The following KIAA1671 variants were observed in gnomAD, a reference collection of about 807,000 sequenced individuals.
KIAA1671 encodes the protein KIAA1671.
Under a neutral mutation model 131.2 loss-of-function variants are expected in KIAA1671, and 52 were observed. The observed-to-expected ratio is 0.40, with a 90% CI of 0.32 to 0.50. The LOEUF (loss-of-function observed/expected upper bound fraction) is 0.50. KIAA1671 is among the 20% of genes least tolerant of loss of function. KIAA1671 has a pLI of 0.73. For missense variants in KIAA1671, 2,360 were observed against 2,364.2 expected, an observed-to-expected ratio of 1.00 and a Z score of 0.04; for synonymous variants, 1,003 against 961.6, an observed-to-expected ratio of 1.04 and a Z score of -0.80.
intron 6 of KIAA1671, among the ~76,000 whole-genome samples, chr22:25,165,045 G>A (rs1239380999): frequency 5.4e-5 from 8 of 148,958 alleles, no homozygotes; most frequent in African/African-American, 7.4e-5. Flanking sequence ...TTGAGGCCTC[G>A]TAGCTCTGGG....
chr22:24,983,989 G>T (rs1923372959), intron 1 of KIAA1671, among the ~76,000 whole-genome samples: 1 of 151,976 alleles, frequency 6.6e-6, no homozygotes, highest in African/African-American at 2.4e-5. Context: ...TGTTGGTCAG[G>T]CTGGTCTCGA....
chr22:25,095,334 T>A (rs535609943), intron 6 of KIAA1671, among the ~76,000 whole-genome samples: 1 of 152,272 alleles, frequency 6.6e-6, no homozygotes, highest in East Asian at 1.9e-4. Flanking sequence ...ACAATAAAAA[T>A]TACAAATGCT....
At chr22:25,128,610 G>A (rs1932292021) in intron 6 of KIAA1671, among the ~76,000 whole-genome samples, 1 of 152,162 alleles carries the variant, frequency 6.6e-6, no homozygotes, top group African/African-American at 2.4e-5. Flanking sequence ...AACCGAGAAA[G>A]TCTGGTTTTG....
At chr22:25,174,663 C>A in intron 8 of KIAA1671, 174 bp downstream of exon 8, 1 of 671,778 alleles carries the variant, frequency 1.5e-6, no homozygotes, top group Non-Finnish European at 2.3e-6. Context: ...CATACACCTG[C>A]TGTGTGTCTT....
In KIAA1671 at chr22:25,029,031, C is replaced by A; in HGVS notation, c.1032C>A (p.Phe344Leu). The change falls in exon 3 of 13, where the codon TTC becomes TTA. Residue 344 changes from phenylalanine (F) to leucine (L), a missense_variant. Physicochemically the swap from Phe to Leu is conservative, Grantham distance 22. Around this residue, in one of 3 missense-constraint regions of KIAA1671, gnomAD observed 1,185 missense variants for 1,126.2 expected, o/e 1.05. Transcript: ENST00000358431. ...CTCTTCATGATCCTGATTTGGACTT[C>A]CTGGAGGTGGCCAAGAAAATCCGTG... Reference protein sequence around the residue: ...EAPLHDPDLDFLEVAKKIRER... With the variant: ...EAPLHDPDLDLLEVAKKIRER... 6.6e-7 allele frequency: 1 copy of A among 1,505,862 alleles called. No homozygotes were observed. Among genetic ancestry groups the A allele is most frequent in the Non-Finnish European group, 8.9e-7 (1 of 1,126,676 alleles). 93.3% of individuals were successfully genotyped at this position (1,505,862 alleles called of 1,614,324 possible). A position where few individuals can be genotyped will look rare whatever the true frequency, so the allele number is the denominator to read the frequency against.
intron 5 of KIAA1671, among the ~76,000 whole-genome samples, chr22:25,043,682 G>A (rs1163637004): frequency 2.6e-5 from 4 of 152,154 alleles, no homozygotes; most frequent in Admixed American, 2.6e-4. Context: ...GGAGTCGGTG[G>A]TCTCAGCCCA....
intron 6 of KIAA1671, chr22:25,052,653 T>C (rs1003632760): frequency 3.3e-5 from 5 of 152,128 alleles, no homozygotes; most frequent in Non-Finnish European, 7.4e-5. Flanking sequence ...AATGAGATGA[T>C]GCTTACAAAG....
chr22:24,981,088 G>GTGTGTT (rs1555949693), intron 1 of KIAA1671, among the ~76,000 whole-genome samples: 2 of 148,984 alleles, frequency 1.3e-5, no homozygotes, highest in East Asian at 2.1e-4. Flanking sequence ...GTGTGTGTGT[G>GTGTGTT]TTTTTACTGT....
chr22:25,093,746 C>T (rs996127601), intron 6 of KIAA1671, among the ~76,000 whole-genome samples: 8 of 121,428 alleles, frequency 6.6e-5, no homozygotes, highest in Admixed American at 8.0e-5. Flanking sequence ...CACTCTCTCT[C>T]TCTCTCTCTC....
At chr22:25,066,937 G>A (rs1161700324) in intron 6 of KIAA1671, among the ~76,000 whole-genome samples, 1 of 152,164 alleles carries the variant, frequency 6.6e-6, no homozygotes, top group African/African-American at 2.4e-5. Flanking sequence ...CTTGCAGGTG[G>A]CCCCCTGCCA....
intron 1 of KIAA1671, among the ~76,000 whole-genome samples, chr22:24,954,138 A>G (rs1569190498): frequency 6.6e-6 from 1 of 152,132 alleles, no homozygotes; most frequent in Non-Finnish European, 1.5e-5. Context: ...AAACCGCAGG[A>G]TTAGAGAGCT....
intron 6 of KIAA1671, among the ~76,000 whole-genome samples, chr22:25,121,864 A>C (rs1931961680): frequency 6.6e-6 from 1 of 152,204 alleles, no homozygotes; most frequent in African/African-American, 2.4e-5. Flanking sequence ...TAGATCGTTT[A>C]ATCTTCAGTA....
At chr22:25,036,273 T>G (rs1926588387) in intron 4 of KIAA1671, among the ~76,000 whole-genome samples, 1 of 151,794 alleles carries the variant, frequency 6.6e-6, no homozygotes, top group Non-Finnish European at 1.5e-5. Context: ...AGAGACAGGG[T>G]TTCTCCATGT....
Position 25,040,803 on chromosome 22 carries a change from C to T in KIAA1671, c.3673C>T (p.Pro1225Ser). 3 of 1,551,668 alleles carry T rather than the reference C, an allele frequency of 1.9e-6. No individual in the cohort carries two copies. The highest frequency in any genetic ancestry group is 2.6e-6 in the Non-Finnish European group (3 of 1,147,006). The change falls in exon 5 of 13, where the codon CCC becomes TCC. Residue 1225 changes from proline to serine, a missense_variant. Physicochemically the swap from Pro to Ser is moderately conservative, Grantham distance 74 (BLOSUM62 -1). Coordinates refer to ENST00000358431, the MANE Select transcript of KIAA1671 (RefSeq NM_001145206.2). The part of the protein sequence containing the change: ...VPGEAQERRS[P>S]TVEPSTLPRE... ...TGGGGAGGCTCAGGAGAGGAGGAGT[C>T]CCACCGTGGAGCCCAGTACGTTGCC...
At chr22:24,973,400 T>TTTTG (rs1569195669) in intron 1 of KIAA1671, among the ~76,000 whole-genome samples, 5 of 135,932 alleles carry the variant, frequency 3.7e-5, no homozygotes, top group African/African-American at 1.4e-4. Flanking sequence ...TTTTTTTTTT[T>TTTTG]TTTTTTTTTT....
chr22:25,183,323 T>C (rs1364090823), intron 10 of KIAA1671, among the ~76,000 whole-genome samples: 2 of 152,114 alleles, frequency 1.3e-5, no homozygotes, highest in Non-Finnish European at 2.9e-5. Flanking sequence ...AGAAAATCAG[T>C]CAGTAGTGGA....
At chr22:25,149,424 G>A (rs767831490) in intron 6 of KIAA1671, among the ~76,000 whole-genome samples, 1 of 152,168 alleles carries the variant, frequency 6.6e-6, no homozygotes, top group Non-Finnish European at 1.5e-5. Context: ...TCAGGGAGGA[G>A]GAGAGTGGAA....
At chr22:25,120,268 G>T (rs1931867199) in intron 6 of KIAA1671, among the ~76,000 whole-genome samples, 4 of 152,222 alleles carry the variant, frequency 2.6e-5, no homozygotes, top group Non-Finnish European at 5.9e-5. Context: ...TAGACTTAAA[G>T]CCAGCCCCAA....
intron 1 of KIAA1671, among the ~76,000 whole-genome samples, chr22:24,968,665 C>T (rs998108628): frequency 2.0e-5 from 3 of 152,190 alleles, no homozygotes; most frequent in Admixed American, 1.3e-4. Flanking sequence ...TTAAGTAAAG[C>T]CCCCACTGTG....
Sources: allele counts gnomAD v4.1 joint callset (sites outside exome capture counted in the v4.1 genomes callset), GRCh38; gene constraint gnomAD v4.1.1; regional missense constraint gnomAD v4.1.1; transcripts MANE v1.5; gene names NCBI Gene and HGNC (gene_info 2026-07-23, HGNC 2026-07-21).